PHF20L1: variants seen among roughly 807,000 people sequenced by gnomAD.
PHF20L1 encodes the protein PHD finger protein 20-like protein 1.
Under a neutral mutation model 125.5 loss-of-function variants are expected in PHF20L1, and 44 were observed. The ratio of observed to expected loss-of-function variants is 0.35; its 90% CI spans 0.28 to 0.45. PHF20L1 has a LOEUF of 0.45. PHF20L1 is among the 20% of genes least tolerant of loss of function. The pLI is 1.00. For missense variants in PHF20L1, 1,012 were observed against 1,217.2 expected, an observed-to-expected ratio of 0.83 and a Z score of 2.51; for synonymous variants, 380 against 403.1, an observed-to-expected ratio of 0.94 and a Z score of 0.69.
At chr8:132,789,450 G>A (rs966186627) in intron 2 of PHF20L1, among the ~76,000 whole-genome samples, 15 of 152,228 alleles carry the variant, frequency 9.9e-5, no homozygotes, top group East Asian at 7.7e-4. Context: ...GGTCCCACAC[G>A]AATTCAGAAA....
chr8:132,808,527 G>A (rs190299974), intron 8 of PHF20L1: 18 of 152,100 alleles, frequency 1.2e-4, no homozygotes, highest in African/African-American at 4.3e-4. Context: ...GATTTGTCCT[G>A]TTTGAATAGT....
At chr8:132,811,304 C>A in intron 9 of PHF20L1, 176 bp downstream of exon 9, 1 of 1,331,778 alleles carries the variant, frequency 7.5e-7, no homozygotes, top group Non-Finnish European at 9.6e-7. Flanking sequence ...CTACAGACTT[C>A]ATTAGTGTTT....
At position 132,836,631 on chromosome 8, in the gene PHF20L1, T is replaced by C; in HGVS notation, c.2001T>C (p.Asn667=). 6.2e-7 allele frequency: 1 copy of C among 1,613,082 alleles called. No individual in the cohort carries two copies. Among genetic ancestry groups the C allele is most frequent in the Non-Finnish European group, 8.5e-7 (1 of 1,179,250 alleles). ...DEYNQDFDST[N]FEESQDEDDA... The stretch of plus-strand genomic sequence containing the variant: ...ACAATCAGGACTTTGATTCAACCAA[T>C]TTTGAGGAATCTCAGGATGAGGATG... The change falls in exon 16 of 21, where the codon AAT becomes AAC. Residue 667 remains asparagine (N), a synonymous_variant. Coordinates refer to ENST00000395386, the MANE Select transcript of PHF20L1 (RefSeq NM_016018.5).
At chr8:132,776,303 T>A (rs1563769424) in intron 1 of PHF20L1, among the ~76,000 whole-genome samples, 1 of 152,226 alleles carries the variant, frequency 6.6e-6, no homozygotes, top group Non-Finnish European at 1.5e-5. Flanking sequence ...TTATGGGCTC[T>A]AAGTTTGATT....
chr8:132,798,690 C>A (rs922576794), intron 4 of PHF20L1, 82 bp from the exon 5 acceptor site: 3 of 831,200 alleles, frequency 3.6e-6, no homozygotes, highest in Admixed American at 4.5e-5. Flanking sequence ...TTTATCTATA[C>A]AAGTCACTAC....
chr8:132,805,573 T>G (rs773024048), intron 8 of PHF20L1, among the ~76,000 whole-genome samples: 2 of 152,002 alleles, frequency 1.3e-5, no homozygotes, highest in Non-Finnish European at 2.9e-5. Context: ...GACAGAATCT[T>G]TTTTTAGTGC....
chr8:132,803,069 A>G (rs539440084), intron 6 of PHF20L1, among the ~76,000 whole-genome samples: 4 of 151,994 alleles, frequency 2.6e-5, no homozygotes, highest in African/African-American at 9.6e-5. Flanking sequence ...ATACAATAGT[A>G]AAATGTATTT....
intron 9 of PHF20L1, among the ~76,000 whole-genome samples, chr8:132,814,325 G>A (rs1295422290): frequency 6.6e-6 from 1 of 151,664 alleles, no homozygotes; most frequent in Non-Finnish European, 1.5e-5. Context: ...GTTCCTAAAG[G>A]GGTATATTTC....
chr8:132,811,002 C>G, intron 8 of PHF20L1, 44 bp from the exon 9 acceptor site: 1 of 1,192,716 alleles, frequency 8.4e-7, no homozygotes, highest in Non-Finnish European at 1.3e-6. Context: ...GGGTGTAAAT[C>G]AGTATTTTTT....
intron 9 of PHF20L1, chr8:132,813,295 A>G (rs1314788754): frequency 6.1e-6 from 1 of 165,046 alleles, no homozygotes; most frequent in Non-Finnish European, 1.3e-5. Context: ...ACTTATACAC[A>G]TTTATAATGA....
At chr8:132,836,858 T>C in intron 16 of PHF20L1, 137 bp downstream of exon 16, 1 of 628,648 alleles carries the variant, frequency 1.6e-6, no homozygotes, top group South Asian at 2.0e-5. Flanking sequence ...AAAATACCCA[T>C]AGTAATGATT....
rs1047350444 is a variant in PHF20L1 at position 132,816,815 on chromosome 8, A to G, written c.1184-73A>G. 5.7e-5 allele frequency: 56 copies of G among 973,938 alleles called. No individual in the cohort carries two copies. In the Admixed American group the frequency reaches 1.1e-3, roughly 18 times the overall value. The allele number at this position is 973,938 out of a possible 1,614,324, so 60.3% of individuals were successfully genotyped here. A position where few individuals can be genotyped will look rare whatever the true frequency, so the allele number is the denominator to read the frequency against. On this transcript the variant is annotated intron_variant, in intron 10 of 20. Coordinates refer to ENST00000395386, the MANE Select transcript of PHF20L1 (RefSeq NM_016018.5). Reference sequence around the variant, plus strand: ...GGAAGAATATAAATCATTTTTTCCCATTTATCTCCTTAAATATTGTAAGAT... The same window carrying G: ...GGAAGAATATAAATCATTTTTTCCCGTTTATCTCCTTAAATATTGTAAGAT...
At chr8:132,786,535 A>T (rs1470307581) in intron 2 of PHF20L1, among the ~76,000 whole-genome samples, 6 of 152,114 alleles carry the variant, frequency 3.9e-5, no homozygotes, top group African/African-American at 1.4e-4. Flanking sequence ...CTTTGGTAAG[A>T]GCCCCCTATA....
rs1838575884 is a variant in PHF20L1 at position 132,848,615 on chromosome 8, C to T, written c.*2692C>T. 2 of 152,466 alleles carry T rather than the reference C, an allele frequency of 1.3e-5. No homozygotes were observed. Among genetic ancestry groups the T allele is most frequent in the East Asian group, 1.9e-4 (1 of 5,198 alleles). 9.4% of individuals were successfully genotyped at this position (152,466 alleles called of 1,614,324 possible). ...TACTTCCTCATACTTGTTTGTGGTT[C>T]TACTGACTTATTTCCAAACTTAAGA... On this transcript the variant is annotated 3_prime_UTR_variant, in exon 21 of 21. Transcript: ENST00000395386.
At chr8:132,786,584 A>G (rs1586859872) in intron 2 of PHF20L1, among the ~76,000 whole-genome samples, 1 of 152,252 alleles carries the variant, frequency 6.6e-6, no homozygotes, top group East Asian at 1.9e-4. Context: ...ACTGAAACTC[A>G]TCAGTTGCAA....
Position 132,843,445 on chromosome 8 carries a change from A to G in PHF20L1, c.2748+570A>G, listed in dbSNP as rs558173818. On this transcript the variant is annotated intron_variant, in intron 19 of 20. Transcript: ENST00000395386. ...ATTAATGAGGCCACTTTAAAATTAG[A>G]TGTTTTTTTTCTGCATTCCTTAACA... The G allele has an allele frequency of 3.2e-5, 31 of 979,220 alleles. No individual in the cohort carries two copies. The East Asian group carries it at 2.2e-3, about 69-fold the overall frequency. 60.7% of individuals were successfully genotyped at this position (979,220 alleles called of 1,614,324 possible). A position where few individuals can be genotyped will look rare whatever the true frequency, so the allele number is the denominator to read the frequency against.
chr8:132,808,591 A>G (rs887425162), intron 8 of PHF20L1: 2 of 152,068 alleles, frequency 1.3e-5, no homozygotes, highest in Non-Finnish European at 2.9e-5. Flanking sequence ...TTGATTTTCT[A>G]ATTATTTTTA....
In PHF20L1 at chr8:132,836,633, T is replaced by C. The variant is rs758646551; in HGVS notation, c.2003T>C (p.Phe668Ser). The C allele has an allele frequency of 6.2e-7, 1 of 1,613,120 alleles. No homozygotes were observed. The highest frequency in any genetic ancestry group is 8.5e-7 in the Non-Finnish European group (1 of 1,179,306). Reference protein sequence around the residue: ...EYNQDFDSTNFEESQDEDDAL... With the variant: ...EYNQDFDSTNSEESQDEDDAL... The stretch of plus-strand genomic sequence containing the variant: ...AATCAGGACTTTGATTCAACCAATT[T>C]TGAGGAATCTCAGGATGAGGATGAT... Residue 668 changes from phenylalanine to serine, a missense_variant, in exon 16 of 21, where the codon TTT becomes TCT. This residue lies in a region of PHF20L1 where 320 missense variants were observed against 293.8 expected (regional missense o/e 1.09). Transcript: ENST00000395386.
At chr8:132,799,237 TA>T in intron 6 of PHF20L1, 65 bp downstream of exon 6, 1 of 833,712 alleles carries the variant, frequency 1.2e-6, no homozygotes, top group Non-Finnish European at 1.9e-6. Context: ...TTTAGAAAGT[TA>T]AAAATTTTTA....
Sources: allele counts gnomAD v4.1 joint callset (sites outside exome capture counted in the v4.1 genomes callset), GRCh38; gene constraint gnomAD v4.1.1; regional missense constraint gnomAD v4.1.1; transcripts MANE v1.5; gene names NCBI Gene and HGNC (gene_info 2026-07-23, HGNC 2026-07-21).